The following DHRS3 variants were observed in gnomAD, a reference collection of about 807,000 sequenced individuals.
The protein encoded by DHRS3 is short-chain dehydrogenase/reductase 3.
Under a neutral mutation model 27.2 loss-of-function variants are expected in DHRS3, and 14 were observed. The ratio of observed to expected loss-of-function variants is 0.52; its 90% CI spans 0.34 to 0.81. The LOEUF (loss-of-function observed/expected upper bound fraction) is 0.81. Among genes scored for constraint, DHRS3 ranks in the 30% least tolerant of loss-of-function variants. The pLI, the probability that DHRS3 is intolerant of heterozygous loss-of-function variation, is 0.01. For missense variants in DHRS3, 322 were observed against 406.2 expected, an observed-to-expected ratio of 0.79 and a Z score of 1.78; for synonymous variants, 165 against 175.9, an observed-to-expected ratio of 0.94 and a Z score of 0.49.
At chr1:12,603,040 T>C (rs1326547752) in intron 1 of DHRS3, among the ~76,000 whole-genome samples, 1 of 152,236 alleles carries the variant, frequency 6.6e-6, no homozygotes, top group African/African-American at 2.4e-5. Context: ...GGATTTGGGC[T>C]GAGTCCCCCT....
chr1:12,597,688 T>C (rs908383604), intron 1 of DHRS3, among the ~76,000 whole-genome samples: 10 of 152,330 alleles, frequency 6.6e-5, no homozygotes, highest in African/African-American at 1.7e-4. Flanking sequence ...ATGAATGAAA[T>C]AGTTTTGCCT....
chr1:12,603,183 C>T (rs1399246079), intron 1 of DHRS3, among the ~76,000 whole-genome samples: 2 of 152,128 alleles, frequency 1.3e-5, no homozygotes, highest in African/African-American at 4.8e-5. Context: ...GGTCCCTCTC[C>T]TGAGGGGCAA....
intron 1 of DHRS3, among the ~76,000 whole-genome samples, chr1:12,606,499 AT>A (rs1646872499): frequency 6.6e-6 from 1 of 151,826 alleles, no homozygotes; most frequent in African/African-American, 2.4e-5. Flanking sequence ...TTATTTATTT[AT>A]TTTTTTGAGA....
intron 1 of DHRS3, among the ~76,000 whole-genome samples, chr1:12,589,181 C>T (rs909275704): frequency 2.0e-5 from 3 of 152,108 alleles, no homozygotes; most frequent in Admixed American, 6.5e-5. Context: ...TGAGTGTGAG[C>T]GTGGCATAGG....
chr1:12,570,966 T>TG (rs1345399147), intron 5 of DHRS3, among the ~76,000 whole-genome samples: 2 of 152,226 alleles, frequency 1.3e-5, no homozygotes, highest in Non-Finnish European at 2.9e-5. Context: ...GCCCCTCAGC[T>TG]GGGGCTCACC....
intron 1 of DHRS3, among the ~76,000 whole-genome samples, chr1:12,588,665 C>A (rs940901531): frequency 6.6e-6 from 1 of 152,248 alleles, no homozygotes; most frequent in East Asian, 1.9e-4. Context: ...AAGACACCAG[C>A]CCCAGGAGGA....
intron 4 of DHRS3, among the ~76,000 whole-genome samples, chr1:12,577,380 A>G (rs1337799180): frequency 2.0e-5 from 3 of 152,214 alleles, no homozygotes; most frequent in African/African-American, 4.8e-5. Flanking sequence ...CAGCCACAGC[A>G]GTAATTAACG....
chr1:12,584,823 C>A (rs1436145131), intron 1 of DHRS3, among the ~76,000 whole-genome samples: 7 of 152,144 alleles, frequency 4.6e-5, no homozygotes, highest in Admixed American at 4.6e-4. Context: ...GCTGAGCATC[C>A]CTGTGCCAGG....
At chr1:12,575,158 C>T (rs530713651) in intron 4 of DHRS3, among the ~76,000 whole-genome samples, 27 of 152,178 alleles carry the variant, frequency 1.8e-4, no homozygotes, top group African/African-American at 6.5e-4. Context: ...GAAACACTGT[C>T]TCTACCAAAA....
chr1:12,609,033 A>T (rs977237159), intron 1 of DHRS3, among the ~76,000 whole-genome samples: 1 of 152,174 alleles, frequency 6.6e-6, no homozygotes, highest in Admixed American at 6.5e-5. Flanking sequence ...ACAAAGTAGG[A>T]CTGAAAAGCA....
intron 5 of DHRS3, among the ~76,000 whole-genome samples, chr1:12,569,355 G>C (rs1052333366): frequency 6.6e-6 from 1 of 151,012 alleles, no homozygotes; most frequent in African/African-American, 2.4e-5. Flanking sequence ...CTTTTTCCTA[G>C]ATCCTGAAAC....
intron 5 of DHRS3, among the ~76,000 whole-genome samples, chr1:12,569,035 T>G (rs1047629145): frequency 1.3e-5 from 2 of 152,102 alleles, no homozygotes; most frequent in South Asian, 2.1e-4. Context: ...CTAGCCAACA[T>G]GGCAAAACCC....
chr1:12,580,808 A>C, intron 1 of DHRS3, 142 bp from the exon 2 acceptor site: 2 of 967,136 alleles, frequency 2.1e-6, no homozygotes, highest in Non-Finnish European at 1.5e-6. Context: ...AAAGAATACA[A>C]CATAGATTAA....
intron 1 of DHRS3, among the ~76,000 whole-genome samples, chr1:12,606,406 C>T (rs1280251404): frequency 6.6e-6 from 1 of 151,584 alleles, no homozygotes; most frequent in Non-Finnish European, 1.5e-5. Context: ...AAACTTTCCA[C>T]TTGATGGGCA....
At chr1:12,614,106 C>T (rs370830660) in intron 1 of DHRS3, among the ~76,000 whole-genome samples, 7 of 152,238 alleles carry the variant, frequency 4.6e-5, no homozygotes, top group South Asian at 2.1e-4. Flanking sequence ...ATTAGGCCCA[C>T]GTATGTTGCC....
In DHRS3 at chr1:12,615,320, G is replaced by A. The variant is rs568533023; in HGVS notation, c.195+1834C>T. Among the ~76,000 whole-genome samples, 5 of 152,294 alleles carry A rather than the reference G, an allele frequency of 3.3e-5. No individual in the cohort carries two copies. The South Asian group carries it at 6.2e-4, about 19-fold the overall frequency. On this transcript the variant is annotated intron_variant, in intron 1 of 5. Transcript: ENST00000616661. ...ACTCGAAGTTTCACAGGCCCCCATG[G>A]ATCCTGTTTTTGTTTTTGGTGACCC...
At chr1:12,590,455 C>T (rs927534383) in intron 1 of DHRS3, among the ~76,000 whole-genome samples, 2 of 152,134 alleles carry the variant, frequency 1.3e-5, no homozygotes, top group African/African-American at 4.8e-5. Flanking sequence ...GGATTACAGG[C>T]ATGCGCCACC....
chr1:12,570,163 G>A (rs1004963678), intron 5 of DHRS3: 1 of 152,170 alleles, frequency 6.6e-6, no homozygotes, highest in African/African-American at 2.4e-5. Flanking sequence ...CAAAGATGAC[G>A]GTGTGGATCT....
chr1:12,569,244 C>G (rs1461325593), intron 5 of DHRS3, among the ~76,000 whole-genome samples: 10 of 151,244 alleles, frequency 6.6e-5, no homozygotes, highest in African/African-American at 2.4e-4. Context: ...CACACACACA[C>G]ACACACACAC....
Sources: allele counts gnomAD v4.1 joint callset (sites outside exome capture counted in the v4.1 genomes callset), GRCh38; gene constraint gnomAD v4.1.1; transcripts MANE v1.5; gene names NCBI Gene and HGNC (gene_info 2026-07-23, HGNC 2026-07-21).